Variants in ILDR1 observed in about 807,000 individuals in gnomAD.
ILDR1 encodes the protein immunoglobulin-like domain-containing receptor 1.
A neutral mutation model predicts 62.4 loss-of-function variants in ILDR1; 56 were observed. The ratio of observed to expected loss-of-function variants is 0.90; its 90% confidence interval spans 0.72 to 1.12. The LOEUF is 1.12. ILDR1 is among the 50% of genes most tolerant of loss of function. The probability of loss-of-function intolerance (pLI) is 0.00; values close to 1 mark genes in which losing one functional copy is unlikely to be tolerated. For synonymous variants in ILDR1, 284 were observed against 277.8 expected (o/e 1.02, Z -0.22); for missense variants, 736 against 710.6 (o/e 1.04, Z -0.41).
At chr3:122,052,068 G>C in the ILDR1 span, among the ~76,000 whole-genome samples, 4 of 151,984 alleles carry the variant, frequency 2.6e-5, no homozygotes, top group Admixed American at 2.6e-4. Context: ...CTTAAGTGGG[G>C]CTACATGGAA....
chr3:122,031,222 C>T, the ILDR1 span, among the ~76,000 whole-genome samples: 6 of 152,188 alleles, frequency 3.9e-5, no homozygotes, highest in African/African-American at 7.2e-5. Flanking sequence ...ATATTAGTTT[C>T]TTTATTTGTA....
At chr3:122,019,582 T>C (rs556803212) in intron 1 of ILDR1, among the ~76,000 whole-genome samples, 79 of 152,284 alleles carry the variant, frequency 5.2e-4, no homozygotes, top group African/African-American at 1.8e-3. Context: ...TTATGCCCAG[T>C]ATTTCCTGAG....
chr3:121,994,514 A>G (rs148449572), intron 5 of ILDR1, among the ~76,000 whole-genome samples: 221 of 152,334 alleles, frequency 1.5e-3, no homozygotes, highest in African/African-American at 5.1e-3. Flanking sequence ...TATCTTCAAG[A>G]CTGCAACTTT....
the ILDR1 span, among the ~76,000 whole-genome samples, chr3:122,037,247 G>C: frequency 1.3e-5 from 2 of 152,154 alleles, no homozygotes; most frequent in Non-Finnish European, 2.9e-5. Context: ...CCCCAGAATG[G>C]TAGGCCCACC....
chr3:121,993,598 C>T lies in ILDR1; in HGVS notation c.1151G>A (p.Gly384Glu), dbSNP rs1247853920. 4 of 1,614,234 alleles carry T rather than the reference C, an allele frequency of 2.5e-6. No homozygotes were observed. The highest frequency in any genetic ancestry group is 1.7e-5 in the Admixed American group (1 of 60,018). ...PDFHQELQDR[G>E]PKSWALERRE... ...TCTTTCCAATGCCCAAGACTTTGGC[C>T]CCCGGTCCTGGAGCTCCTGGTGGAA... The change falls in exon 7 of 8, where the codon GGG (glycine) becomes GAG (glutamate). Residue 384 changes from glycine to glutamate, a missense_variant. By Grantham distance (98) the Gly-to-Glu change is moderately conservative. Coordinates refer to ENST00000344209, the MANE Select transcript of ILDR1 (RefSeq NM_001199799.2).
At chr3:122,005,219 C>CCGTA in intron 3 of ILDR1, 25 bp downstream of exon 3, 4 of 769,348 alleles carry the variant, frequency 5.2e-6, no homozygotes, top group Non-Finnish European at 6.3e-6. Context: ...ACCCCCAGTT[C>CCGTA]CCCTGACACC....
the ILDR1 span, among the ~76,000 whole-genome samples, chr3:122,038,023 T>C: frequency 6.6e-6 from 1 of 152,150 alleles, no homozygotes; most frequent in African/African-American, 2.4e-5. Flanking sequence ...CCTTCTACCA[T>C]GATTGTAAGT....
At chr3:122,051,418 C>T in the ILDR1 span, among the ~76,000 whole-genome samples, 2 of 151,850 alleles carry the variant, frequency 1.3e-5, no homozygotes, top group African/African-American at 2.4e-5. Context: ...GTAGTTGAAC[C>T]CCTCTAGTGA....
chr3:122,004,888 A>G (rs960411980), intron 3 of ILDR1, among the ~76,000 whole-genome samples: 1 of 152,148 alleles, frequency 6.6e-6, no homozygotes, highest in African/African-American at 2.4e-5. Context: ...AAACTCAGGG[A>G]CCTGGGGTTT....
At chr3:122,023,353 C>T (rs1245157059), upstream of ILDR1, among the ~76,000 whole-genome samples, 3 of 152,138 alleles carry the variant, frequency 2.0e-5, no homozygotes, top group Admixed American at 6.5e-5. Context: ...TAATCTCAGT[C>T]TCTCCTTCCA....
chr3:122,020,925 C>T (rs1319789527), intron 1 of ILDR1, among the ~76,000 whole-genome samples: 1 of 152,176 alleles, frequency 6.6e-6, no homozygotes, highest in African/African-American at 2.4e-5. Flanking sequence ...AAGCCTCTCT[C>T]CCTTTTATTC....
chr3:121,991,978 A>G (rs1384513370), intron 7 of ILDR1, among the ~76,000 whole-genome samples: 1 of 152,242 alleles, frequency 6.6e-6, no homozygotes. Flanking sequence ...CTATCTCAAC[A>G]GAAGCAAAAG....
chr3:122,013,496 A>C (rs1488743416), intron 1 of ILDR1, among the ~76,000 whole-genome samples: 1 of 152,152 alleles, frequency 6.6e-6, no homozygotes, highest in Non-Finnish European at 1.5e-5. Flanking sequence ...GCAGGTTAAC[A>C]AAATGCACAC....
At chr3:121,988,435 A>T in intron 7 of ILDR1, 27 bp from the exon 8 acceptor site, 1 of 1,598,810 alleles carries the variant, frequency 6.3e-7, no homozygotes, top group Non-Finnish European at 8.6e-7. Context: ...TACACACACA[A>T]AAAAAATCCA....
the ILDR1 span, among the ~76,000 whole-genome samples, chr3:122,035,087 C>T: frequency 2.6e-5 from 4 of 152,184 alleles, no homozygotes; most frequent in Non-Finnish European, 4.4e-5. Context: ...CATCACCAGG[C>T]TGGCTTGGTG....
the ILDR1 span, among the ~76,000 whole-genome samples, chr3:122,060,486 T>G: frequency 6.6e-6 from 1 of 152,058 alleles, no homozygotes; most frequent in Non-Finnish European, 1.5e-5. Context: ...TTCCTCCATT[T>G]TAAAGGTTAA....
chr3:122,020,861 G>A (rs1347602096), intron 1 of ILDR1, among the ~76,000 whole-genome samples: 4 of 152,152 alleles, frequency 2.6e-5, no homozygotes, highest in Non-Finnish European at 1.5e-5. Context: ...AGAAAATCTT[G>A]TAAGCCAGAG....
chr3:122,060,932 A>G, the ILDR1 span, among the ~76,000 whole-genome samples: 5 of 151,840 alleles, frequency 3.3e-5, no homozygotes, highest in Non-Finnish European at 5.9e-5. Flanking sequence ...ACAGAATGGG[A>G]AAAAAAACCC....
At chr3:122,020,815 G>T (rs933405195) in intron 1 of ILDR1, among the ~76,000 whole-genome samples, 2 of 152,174 alleles carry the variant, frequency 1.3e-5, no homozygotes, top group African/African-American at 4.8e-5. Context: ...ATCTAGTCTT[G>T]TCAACTTCAG....
Sources: gnomAD v4.1 joint callset for allele counts (sites outside exome capture counted in the v4.1 genomes callset) on GRCh38, gnomAD v4.1.1 for gene constraint, MANE v1.5 for transcripts, NCBI Gene and HGNC (gene_info 2026-07-23, HGNC 2026-07-21) for gene names.